KIFC1: variants seen among roughly 807,000 people sequenced by gnomAD.
The protein encoded by KIFC1 is kinesin family member C1, also known as kinesin-like protein KIFC1.
In KIFC1, 37 loss-of-function variants were observed where a neutral mutation model predicts 66.6. The observed-to-expected ratio is 0.56, with a 90% CI of 0.43 to 0.73. The LOEUF (loss-of-function observed/expected upper bound fraction) is 0.73. Ranked by LOEUF, KIFC1 falls within the 30% of genes least tolerant of loss-of-function variation. The pLI is 0.00. For missense variants in KIFC1, 721 were observed against 859.8 expected (o/e 0.84, Z 2.02); for synonymous variants, 325 against 343.5 (o/e 0.95, Z 0.60).
Position 33,391,962 on chromosome 6 carries a change from G to T in KIFC1, c.-24G>T, listed in dbSNP as rs2151078605. On this transcript the variant is annotated 5_prime_UTR_variant, in exon 1 of 11. Transcript: ENST00000428849. ...CAGTTCTCTTCCACTGCATTCCCCC[G>T]GCGCGTGTGGGACCGAGGTGGACAT... The T allele has an allele frequency of 1.2e-6, 2 of 1,613,952 alleles. No homozygotes were observed. Among genetic ancestry groups the T allele is most frequent in the East Asian group, 4.5e-5 (2 of 44,876 alleles).
intron 1 of KIFC1, among the ~76,000 whole-genome samples, chr6:33,396,816 G>A (rs1352486608): frequency 6.6e-6 from 1 of 151,142 alleles, no homozygotes; most frequent in Non-Finnish European, 1.5e-5. Context: ...CCAGGAGCTG[G>A]GACTACAGGC....
Position 33,404,842 on chromosome 6 carries a change from T to C in KIFC1, c.757-10T>C. The C allele has an allele frequency of 1.9e-6, 3 of 1,596,746 alleles. No homozygotes were observed. Among genetic ancestry groups the C allele is most frequent in the Non-Finnish European group, 2.6e-6 (3 of 1,170,256 alleles). ...TACCCTCTGTGTATGTTGTGTTCTCTTCTGGGCAGAGGAGGCTGCAGACAT... is the reference window on the plus strand; with the variant it reads ...TACCCTCTGTGTATGTTGTGTTCTCCTCTGGGCAGAGGAGGCTGCAGACAT... On this transcript the variant is annotated splice_polypyrimidine_tract_variant and intron_variant, in intron 6 of 10. Coordinates refer to ENST00000428849, the MANE Select transcript of KIFC1 (RefSeq NM_002263.4). This position sits in a 1 kb window ranked among gnomAD's most constrained non-coding sequence, Gnocchi z 4.0.
chr6:33,396,436 C>CTTTTTTTT (rs199749552), intron 1 of KIFC1, among the ~76,000 whole-genome samples: 6 of 116,256 alleles, frequency 5.2e-5, no homozygotes, highest in Admixed American at 9.3e-5. Flanking sequence ...CTTTTCTTTT[C>CTTTTTTTT]TTTTTTTTTT....
rs768160652 is a variant in KIFC1, at chr6:33,405,190, T to TC, written c.1100dup (p.Thr368AsnfsTer4). The TC allele has an allele frequency of 3.1e-6, 5 of 1,613,948 alleles. No individual in the cohort carries two copies. The highest frequency in any genetic ancestry group is 4.2e-6 in the Non-Finnish European group (5 of 1,180,020). The stretch of plus-strand genomic sequence containing the variant: ...GTGGGACCCTGAGTGGGGCACCAGC[T>TC]CCCCCAACTCGCCATGATTTTTCCT... On this transcript the variant is annotated frameshift_variant, in exon 7 of 11. Transcript: ENST00000428849. LOFTEE classifies it high-confidence loss of function. This position sits in a 1 kb window ranked among gnomAD's most constrained non-coding sequence, Gnocchi z 5.4.
In KIFC1 at chr6:33,409,794, T is replaced by A. The variant is rs192120974; in HGVS notation, c.*104T>A. 5.5e-5 allele frequency: 69 copies of A among 1,246,614 alleles called. No individual in the cohort carries two copies. In the African/African-American group the frequency reaches 9.4e-4, roughly 17 times the overall value. The allele number at this position is 1,246,614 out of a possible 1,614,324, so 77.2% of individuals were successfully genotyped here. ...ATCGGGTGAGGGGTGGGAGGGTTGC[T>A]GGAGGGTGCTTTATTGGGTGGAGGG... On this transcript the variant is annotated 3_prime_UTR_variant, in exon 11 of 11. Transcript: ENST00000428849.
chr6:33,404,987 C>T lies in KIFC1; in HGVS notation c.892C>T (p.Arg298Trp), dbSNP rs748858730. The change falls in exon 7 of 11, where the codon CGG (arginine) becomes TGG (tryptophan). Residue 298 changes from arginine (R) to tryptophan (W), a missense_variant. Coordinates refer to ENST00000428849, the MANE Select transcript of KIFC1 (RefSeq NM_002263.4). The surrounding 1 kb of genome is among the most constrained non-coding windows in gnomAD (Gnocchi z 4.0). The part of the protein sequence containing the change: ...ERLHGLEMER[R>W]RLHNQLQELK... ...TCTTCATGGGCTAGAAATGGAGCGC[C>T]GGCGACTGCACAACCAGCTGCAGGA... is the stretch of plus-strand genomic sequence containing the variant. The T allele has an allele frequency of 1.2e-5, 19 of 1,613,984 alleles. No individual in the cohort carries two copies. Among genetic ancestry groups the T allele is most frequent in the Non-Finnish European group, 1.5e-5 (18 of 1,180,048 alleles).
Position 33,405,741 on chromosome 6 carries a change from A to C in KIFC1, c.1536+110A>C, listed in dbSNP as rs1298943823. The C allele has an allele frequency of 1.0e-5, 12 of 1,183,758 alleles. No homozygotes were observed. In the Admixed American group the frequency reaches 3.4e-4, roughly 33 times the overall value. The allele number at this position is 1,183,758 out of a possible 1,614,324, so 73.3% of individuals were successfully genotyped here. ...AGAGAGAATTGAAGGATGAAGTGCA[A>C]GTTATCAGGCTGGGTTACCACATCC... is the stretch of plus-strand genomic sequence containing the variant. On this transcript the variant is annotated intron_variant, in intron 7 of 10. Transcript: ENST00000428849. The surrounding 1 kb of genome is among the most constrained non-coding windows in gnomAD (Gnocchi z 5.4).
intron 10 of KIFC1, among the ~76,000 whole-genome samples, chr6:33,407,746 T>G (rs1271169408): frequency 6.6e-5 from 10 of 152,238 alleles, no homozygotes; most frequent in Admixed American, 1.3e-4. Context: ...CCAGTGGCTA[T>G]ATGAATTCTC....
chr6:33,406,285 C>T lies in KIFC1; in HGVS notation c.1626C>T (p.Phe542=). 1 of 1,614,190 alleles carries T rather than the reference C, an allele frequency of 6.2e-7. No homozygotes were observed. Among genetic ancestry groups the T allele is most frequent in the Non-Finnish European group, 8.5e-7 (1 of 1,180,040 alleles). ...NERSSRSHSV[F]QLQISGEHSS... Reference sequence around the variant, plus strand: ...GGTCATCACGCAGCCACAGTGTATTCCAGCTACAGATTTCTGGGGAGCACT... The same window carrying T: ...GGTCATCACGCAGCCACAGTGTATTTCAGCTACAGATTTCTGGGGAGCACT... Residue 542 remains phenylalanine, a synonymous_variant, in exon 8 of 11, where the codon TTC becomes TTT. Coordinates refer to ENST00000428849, the MANE Select transcript of KIFC1 (RefSeq NM_002263.4). The surrounding 1 kb of genome is among the most constrained non-coding windows in gnomAD (Gnocchi z 4.5).
intron 1 of KIFC1, among the ~76,000 whole-genome samples, chr6:33,395,520 G>GA (rs150171039): frequency 0.044 from 6,642 of 152,236 alleles, 341 homozygotes; most frequent in African/African-American, 0.13. Flanking sequence ...AGGGTTGCAT[G>GA]AATATCTGTT....
Position 33,400,723 on chromosome 6 carries a change from T to C in KIFC1, c.250+2336T>C, listed in dbSNP as rs1486746079. Among the ~76,000 whole-genome samples the C allele has an allele frequency of 1.3e-5, 2 of 152,260 alleles. No homozygotes were observed. The highest frequency in any genetic ancestry group is 3.9e-4 in the East Asian group (2 of 5,174). Reference sequence around the variant, plus strand: ...GTGCAGTGGCACAATCTCGGCTCACTGCAAGCTCCGCCTCCCGGGTTCCCG... The same window carrying C: ...GTGCAGTGGCACAATCTCGGCTCACCGCAAGCTCCGCCTCCCGGGTTCCCG... On this transcript the variant is annotated intron_variant, in intron 3 of 10. Transcript: ENST00000428849. This position sits in a 1 kb window ranked among gnomAD's most constrained non-coding sequence, Gnocchi z 4.3.
chr6:33,395,058 TGAA>T (rs1436414833), intron 1 of KIFC1, among the ~76,000 whole-genome samples: 2 of 151,904 alleles, frequency 1.3e-5, no homozygotes. Context: ...GTCAAGAAAA[TGAA>T]GATAAAGAAT....
rs1448184191 is a variant in KIFC1, at chr6:33,398,345, C to A, written c.208C>A (p.Pro70Thr). 1 of 1,614,076 alleles carries A rather than the reference C, an allele frequency of 6.2e-7. No individual in the cohort carries two copies. Among genetic ancestry groups the A allele is most frequent in the South Asian group, 1.1e-5 (1 of 91,080 alleles). ...AATTACCACATCCCACCCAAGAGTT[C>A]CATCCCTCACTACAGTGCCACAGAC... ...TKITTSHPRV[P>T]SLTTVPQTQG... is the part of the protein sequence containing the mutation. The change falls in exon 3 of 11, where the codon CCA (proline) becomes ACA (threonine). Residue 70 changes from proline to threonine, a missense_variant. Transcript: ENST00000428849.
rs779715898 is a variant in KIFC1 at position 33,403,787 on chromosome 6, C to T, written c.414C>T (p.Asp138=). The change falls in exon 6 of 11, where the codon GAC becomes GAT. Residue 138 remains aspartate (D), a synonymous_variant. Coordinates refer to ENST00000428849, the MANE Select transcript of KIFC1 (RefSeq NM_002263.4). This position sits in a 1 kb window ranked among gnomAD's most constrained non-coding sequence, Gnocchi z 4.6. ...AACCCAGCAAACGTCCAGCCTGGGA[C>T]TTAAAGGGTCAGTTATGTGACCTAA... ...GKKPSKRPAW[D]LKGQLCDLNA... 1 of 1,614,184 alleles carries T rather than the reference C, an allele frequency of 6.2e-7. No homozygotes were observed.
In KIFC1 at chr6:33,408,525, C is replaced by T. The variant is rs190314289; in HGVS notation, c.1978-1121C>T. Among the ~76,000 whole-genome samples, 32 of 152,306 alleles carry T rather than the reference C, an allele frequency of 2.1e-4. No individual in the cohort carries two copies. The East Asian group carries it at 5.8e-3, about 28-fold the overall frequency. The stretch of plus-strand genomic sequence containing the variant: ...GATTTTTCTAATCTTAGTTGTTCTG[C>T]ATTGGTTAGTCACGATTCTTTTATG... On this transcript the variant is annotated intron_variant, in intron 10 of 10. Coordinates refer to ENST00000428849, the MANE Select transcript of KIFC1 (RefSeq NM_002263.4).
rs1562835221 is a variant in KIFC1 at position 33,404,004 on chromosome 6, G to A, written c.631G>A (p.Ala211Thr). ...QGQQELKNLR[A>T]CVLELEERLS... ...CCAACAGGAGCTGAAGAACTTGCGT[G>A]CTTGTGTCCTGGAGCTGGAAGAGCG... The change falls in exon 6 of 11, where the codon GCT becomes ACT. Residue 211 changes from alanine to threonine, a missense_variant. Physicochemically the swap from Ala to Thr is moderately conservative, Grantham distance 58 (BLOSUM62 0). Coordinates refer to ENST00000428849, the MANE Select transcript of KIFC1 (RefSeq NM_002263.4). The surrounding 1 kb of genome is among the most constrained non-coding windows in gnomAD (Gnocchi z 4.0). The A allele has an allele frequency of 1.9e-6, 3 of 1,614,242 alleles. No homozygotes were observed. Among genetic ancestry groups the A allele is most frequent in the Non-Finnish European group, 2.5e-6 (3 of 1,180,032 alleles).
Position 33,404,826 on chromosome 6 carries a change from T to G in KIFC1, c.757-26T>G. ...CTTCTTGGTTGCATCTTACCCTCTGTGTATGTTGTGTTCTCTTCTGGGCAG... is the reference window on the plus strand; with the variant it reads ...CTTCTTGGTTGCATCTTACCCTCTGGGTATGTTGTGTTCTCTTCTGGGCAG... On this transcript the variant is annotated intron_variant, in intron 6 of 10. Coordinates refer to ENST00000428849, the MANE Select transcript of KIFC1 (RefSeq NM_002263.4). This position sits in a 1 kb window ranked among gnomAD's most constrained non-coding sequence, Gnocchi z 4.0. 6.4e-7 allele frequency: 1 copy of G among 1,573,332 alleles called. No homozygotes were observed. Among genetic ancestry groups the G allele is most frequent in the African/African-American group, 1.4e-5 (1 of 73,974 alleles).
At position 33,409,868 on chromosome 6, in the gene KIFC1, A is replaced by T. The variant is rs1775865232; in HGVS notation, c.*178A>T. ...TAAAGAATAGTTTGGTTTTTTTTTT[A>T]AATAAAGGTTTTATTAGCATTTGCC... On this transcript the variant is annotated 3_prime_UTR_variant, in exon 11 of 11. Transcript: ENST00000428849. The T allele has an allele frequency of 2.1e-5, 13 of 622,282 alleles. No individual in the cohort carries two copies. The highest frequency in any genetic ancestry group is 4.2e-5 in the South Asian group (2 of 47,512). The allele number at this position is 622,282 out of a possible 1,614,324, so 38.5% of individuals were successfully genotyped here. A position where few individuals can be genotyped will look rare whatever the true frequency, so the allele number is the denominator to read the frequency against.
chr6:33,406,706 G>A lies in KIFC1; in HGVS notation c.1901+41G>A. 6.2e-7 allele frequency: 1 copy of A among 1,612,488 alleles called. No homozygotes were observed. The highest frequency in any genetic ancestry group is 8.5e-7 in the Non-Finnish European group (1 of 1,178,512). ...AGATGGAAGGGGTCAGGTAGGAACTGTGTTGGGGTGAGGGGTAGAAAGGGG... is the reference window on the plus strand; with the variant it reads ...AGATGGAAGGGGTCAGGTAGGAACTATGTTGGGGTGAGGGGTAGAAAGGGG... On this transcript the variant is annotated intron_variant, in intron 9 of 10. Transcript: ENST00000428849. The surrounding 1 kb of genome is among the most constrained non-coding windows in gnomAD (Gnocchi z 4.5).
Sources: gnomAD v4.1 joint callset for allele counts (sites outside exome capture counted in the v4.1 genomes callset) on GRCh38, gnomAD v4.1.1 for gene constraint, Gnocchi (gnomAD v3.1) non-coding constraint, MANE v1.5 for transcripts, NCBI Gene and HGNC (gene_info 2026-07-23, HGNC 2026-07-21) for gene names.